PCDHGB4: variants seen among roughly 807,000 people sequenced by gnomAD.
PCDHGB4 encodes the protein protocadherin gamma-B4.
PCDHGB4 carries 38 observed loss-of-function variants against 60.5 expected under a neutral mutation model. The ratio of observed to expected loss-of-function variants is 0.63; its 90% CI spans 0.48 to 0.82. PCDHGB4 has a LOEUF of 0.82. Among genes scored for constraint, PCDHGB4 ranks in the 40% least tolerant of loss-of-function variants. The pLI is 0.00. For synonymous variants in PCDHGB4, 456 were observed against 509.7 expected, an observed-to-expected ratio of 0.89 and a Z score of 1.42; for missense variants, 1,109 against 1,209.6, an observed-to-expected ratio of 0.92 and a Z score of 1.23.
At chr5:141,500,877 A>C (rs2099803156) in intron 2 of PCDHGB4, among the ~76,000 whole-genome samples, 1 of 122,292 alleles carries the variant, frequency 8.2e-6, no homozygotes, top group African/African-American at 3.9e-5. Flanking sequence ...TTCATTTACA[A>C]TTTTTTTTTT....
chr5:141,427,193 C>T (rs1427995075), intron 1 of PCDHGB4: 1 of 456,496 alleles, frequency 2.2e-6, no homozygotes, highest in Admixed American at 2.4e-5. Context: ...AATCCAAAGA[C>T]TTAATAGACT....
chr5:141,416,011 GGTAA>G (rs1031382322), intron 1 of PCDHGB4: 25 of 239,912 alleles, frequency 1.0e-4, no homozygotes, highest in Non-Finnish European at 3.9e-5. Flanking sequence ...GGTAAGAATA[GGTAA>G]GTATCAGAAA....
chr5:141,475,929 C>A, intron 1 of PCDHGB4: 1 of 634,624 alleles, frequency 1.6e-6, no homozygotes, highest in Non-Finnish European at 2.7e-6. Context: ...GGAGATCGGG[C>A]CCCTGCCCGT....
At chr5:141,453,586 C>T (rs1409763264) in intron 1 of PCDHGB4, among the ~76,000 whole-genome samples, 1 of 152,204 alleles carries the variant, frequency 6.6e-6, no homozygotes, top group Non-Finnish European at 1.5e-5. Context: ...GGTTTATCCT[C>T]ACTGTGTTTC....
intron 1 of PCDHGB4, among the ~76,000 whole-genome samples, chr5:141,456,703 G>T (rs528071544): frequency 1.3e-5 from 2 of 152,062 alleles, no homozygotes; most frequent in Non-Finnish European, 2.9e-5. Context: ...GGTGGCTCGC[G>T]CCTGTAATCC....
intron 1 of PCDHGB4, 180 bp downstream of exon 1, chr5:141,390,461 C>T: frequency 2.7e-6 from 2 of 738,224 alleles, no homozygotes; most frequent in Non-Finnish European, 4.3e-6. Context: ...AAAGTAGGAG[C>T]AATTGTGTGG....
Position 141,389,645 on chromosome 5 carries a change from C to A in PCDHGB4, c.1761C>A (p.Thr587=). The stretch of plus-strand genomic sequence containing the variant: ...CTGCAGAGCCTGGCTACTTGGTGAC[C>A]AAGGTAGTGGCGGTGGACGCAGACT... The part of the protein sequence containing the change: ...PHAAEPGYLV[T]KVVAVDADSG... Residue 587 remains threonine (T), a synonymous_variant, in exon 1 of 4, where the codon ACC becomes ACA. Transcript: ENST00000519479. 6.2e-7 allele frequency: 1 copy of A among 1,612,912 alleles called. No homozygotes were observed. The highest frequency in any genetic ancestry group is 8.5e-7 in the Non-Finnish European group (1 of 1,179,872).
In PCDHGB4 at chr5:141,476,149, A is replaced by T. The variant is rs1042362185; in HGVS notation, c.2398-18658A>T. The stretch of plus-strand genomic sequence containing the variant: ...CAGAGGCCTGGAGGAGCGGACTGGT[A>T]AGCACCGGGAGGGTAGTGGGAGTTT... On this transcript the variant is annotated intron_variant, in intron 1 of 3. Transcript: ENST00000519479. This position sits in a 1 kb window ranked among gnomAD's most constrained non-coding sequence, Gnocchi z 7.6. 4 of 1,611,688 alleles carry T rather than the reference A, an allele frequency of 2.5e-6. No individual in the cohort carries two copies. In the African/African-American group the frequency reaches 5.3e-5, roughly 22 times the overall value.
chr5:141,399,753 G>A (rs1418820057), intron 1 of PCDHGB4: 6 of 1,613,252 alleles, frequency 3.7e-6, no homozygotes, highest in Middle Eastern at 1.7e-4. Flanking sequence ...GCGCAAACGT[G>A]AGCCTGCGCG....
At chr5:141,422,587 C>G in intron 1 of PCDHGB4, 2 of 1,614,032 alleles carry the variant, frequency 1.2e-6, no homozygotes, top group Non-Finnish European at 1.7e-6. Flanking sequence ...TCCCGTTTTT[C>G]CTCACTCCTC....
Position 141,477,568 on chromosome 5 carries a change from C to T in PCDHGB4, c.2398-17239C>T, listed in dbSNP as rs2099413139. The T allele has an allele frequency of 6.2e-7, 1 of 1,614,172 alleles. No individual in the cohort carries two copies. The highest frequency in any genetic ancestry group is 1.7e-4 in the Middle Eastern group (1 of 6,060). On this transcript the variant is annotated intron_variant, in intron 1 of 3. Transcript: ENST00000519479. This position sits in a 1 kb window ranked among gnomAD's most constrained non-coding sequence, Gnocchi z 4.9. ...TACTAAACCTAAGTGTCTGGGACCC[C>T]GACGCCCCGCAGAATGCTCGGCTTT...
chr5:141,478,101 T>G, intron 1 of PCDHGB4: 1 of 1,614,018 alleles, frequency 6.2e-7, no homozygotes, highest in Middle Eastern at 1.6e-4. Flanking sequence ...ACTGCTACCC[T>G]CACTGTGTCA....
intron 1 of PCDHGB4, chr5:141,492,005 C>A (rs1444993907): frequency 3.1e-6 from 2 of 642,268 alleles, no homozygotes; most frequent in African/African-American, 3.8e-5. Flanking sequence ...GGGCGATTTC[C>A]GCGGGTGTCG....
intron 1 of PCDHGB4, among the ~76,000 whole-genome samples, chr5:141,483,648 T>TTGTGTGTG (rs111458813): frequency 0.019 from 2,886 of 149,692 alleles, 51 homozygotes; most frequent in African/African-American, 0.054. Flanking sequence ...GGGTGTGTGT[T>TTGTGTGTG]TGTGTGTGTG....
intron 1 of PCDHGB4, among the ~76,000 whole-genome samples, chr5:141,472,102 T>C (rs1231168102): frequency 6.6e-6 from 1 of 152,240 alleles, no homozygotes; most frequent in Non-Finnish European, 1.5e-5. Flanking sequence ...ATTCCCATTT[T>C]ATACATAAAG....
chr5:141,447,208 C>T (rs1226099966), intron 1 of PCDHGB4, among the ~76,000 whole-genome samples: 1 of 152,078 alleles, frequency 6.6e-6, no homozygotes, highest in Non-Finnish European at 1.5e-5. Flanking sequence ...GGCTTGATCT[C>T]GGCTCACTGC....
Position 141,476,646 on chromosome 5 carries a change from A to G in PCDHGB4, c.2398-18161A>G, listed in dbSNP as rs771366262. 1.9e-6 allele frequency: 3 copies of G among 1,614,132 alleles called. No homozygotes were observed. The highest frequency in any genetic ancestry group is 1.7e-5 in the Admixed American group (1 of 60,010). ...TTACAAACCTATGAGCTGAGCCGAA[A>G]TGAATACTTTGCGCTTCGCGTGCAG... On this transcript the variant is annotated intron_variant, in intron 1 of 3. Transcript: ENST00000519479. This position sits in a 1 kb window ranked among gnomAD's most constrained non-coding sequence, Gnocchi z 7.6.
At position 141,485,272 on chromosome 5, in the gene PCDHGB4, C is replaced by T. The variant is rs764196730; in HGVS notation, c.2398-9535C>T. The T allele has an allele frequency of 1.9e-6, 3 of 1,613,948 alleles. No homozygotes were observed. The highest frequency in any genetic ancestry group is 2.7e-5 in the African/African-American group (2 of 74,932). On this transcript the variant is annotated intron_variant, in intron 1 of 3. Transcript: ENST00000519479. The surrounding 1 kb of genome is among the most constrained non-coding windows in gnomAD (Gnocchi z 5.7). ...GTTACGTTTGTGGGCAGATCCGCTACCCGGTCCCAGAGGAGTCACAGGAAG... is the reference window on the plus strand; with the variant it reads ...GTTACGTTTGTGGGCAGATCCGCTATCCGGTCCCAGAGGAGTCACAGGAAG...
chr5:141,436,337 A>G (rs1450981655), intron 1 of PCDHGB4, among the ~76,000 whole-genome samples: 1 of 152,178 alleles, frequency 6.6e-6, no homozygotes, highest in Non-Finnish European at 1.5e-5. Flanking sequence ...CATATCTCAA[A>G]TATCAGTGAC....
Sources: allele counts gnomAD v4.1 joint callset (sites outside exome capture counted in the v4.1 genomes callset), GRCh38; gene constraint gnomAD v4.1.1; non-coding constraint Gnocchi (gnomAD v3.1); transcripts MANE v1.5; gene names NCBI Gene and HGNC (gene_info 2026-07-23, HGNC 2026-07-21).